The following NPLOC4 variants were observed in gnomAD, a reference collection of about 807,000 sequenced individuals.
The protein encoded by NPLOC4 is nuclear protein localization protein 4 homolog.
NPLOC4 carries 18 observed loss-of-function variants against 80.6 expected under a neutral mutation model. The observed-to-expected ratio is 0.22, with a 90% confidence interval of 0.15 to 0.33. The LOEUF (loss-of-function observed/expected upper bound fraction) is 0.33, where lower values mean the gene tolerates loss of function less well. Ranked by LOEUF, NPLOC4 falls within the 10% of genes least tolerant of loss-of-function variation. NPLOC4 has a pLI of 1.00. For synonymous variants in NPLOC4, 313 were observed against 301.5 expected (o/e 1.04, Z -0.39); for missense variants, 540 against 786.1 (o/e 0.69, Z 3.74).
chr17:81,636,371 G>A (rs1035633626), intron 1 of NPLOC4: 1 of 152,312 alleles, frequency 6.6e-6, no homozygotes, highest in Non-Finnish European at 1.5e-5. Flanking sequence ...GAGCAAAGCC[G>A]GCAAGTTACT....
rs754888368 is a variant in NPLOC4, at chr17:81,569,203, T to C, written c.1354-92A>G. Reference sequence around the variant, plus strand: ...CCCAGAGCATCTCCCAGAGCCCAAATTAACGACTCCTAGCAATTCTGAGAA... The same window carrying C: ...CCCAGAGCATCTCCCAGAGCCCAAACTAACGACTCCTAGCAATTCTGAGAA... On this transcript the variant is annotated intron_variant, in intron 13 of 16. Transcript: ENST00000331134. 318 of 760,046 alleles carry C rather than the reference T, an allele frequency of 4.2e-4. 5 individuals are homozygous for C. The highest frequency in any genetic ancestry group is 6.0e-5 in the Non-Finnish European group (26 of 432,408). The allele number at this position is 760,046 out of a possible 1,614,324, so 47.1% of individuals were successfully genotyped here.
At position 81,572,112 on chromosome 17, in the gene NPLOC4, C is replaced by T. The variant is rs528963092; in HGVS notation, c.1282-24G>A. On this transcript the variant is annotated intron_variant, in intron 12 of 16. Transcript: ENST00000331134. This position sits in a 1 kb window ranked among gnomAD's most constrained non-coding sequence, Gnocchi z 4.5. ...TCCTGCAATAGTCAGAGGGGAACAG[C>T]GGTGAGCAAAGACGATCAGTAGTAA... 26 of 1,562,172 alleles carry T rather than the reference C, an allele frequency of 1.7e-5. No homozygotes were observed. The highest frequency in any genetic ancestry group is 4.7e-5 in the South Asian group (4 of 85,350).
Position 81,572,389 on chromosome 17 carries a change from C to T in NPLOC4, c.1282-301G>A, listed in dbSNP as rs1295699468. ...GTATTTTTTAGTAGAGACAGGGTTT[C>T]ACTGTGTTTGCCAGGATGGTCTCGA... On this transcript the variant is annotated intron_variant, in intron 12 of 16. Transcript: ENST00000331134. The surrounding 1 kb of genome is among the most constrained non-coding windows in gnomAD (Gnocchi z 4.5). 6.6e-6 allele frequency among the ~76,000 whole-genome samples: 1 copy of T among 151,972 alleles called. No individual in the cohort carries two copies. Among genetic ancestry groups the T allele is most frequent in the Non-Finnish European group, 1.5e-5 (1 of 68,002 alleles).
In NPLOC4 at chr17:81,557,502, G is replaced by C. The variant is rs977393262; in HGVS notation, c.*1757C>G. Reference sequence around the variant, plus strand: ...CGAGTGGGAGAGGAACTGGCAACGCGGCTCTCTCTAGAAGTCCGTGCTGTC... The same window carrying C: ...CGAGTGGGAGAGGAACTGGCAACGCCGCTCTCTCTAGAAGTCCGTGCTGTC... On this transcript the variant is annotated 3_prime_UTR_variant, in exon 17 of 17. Coordinates refer to ENST00000331134, the MANE Select transcript of NPLOC4 (RefSeq NM_017921.4). The C allele has an allele frequency of 6.6e-6, 1 of 152,240 alleles. No homozygotes were observed. The highest frequency in any genetic ancestry group is 1.5e-5 in the Non-Finnish European group (1 of 68,060). 9.4% of individuals were successfully genotyped at this position (152,240 alleles called of 1,614,324 possible). A position where few individuals can be genotyped will look rare whatever the true frequency, so the allele number is the denominator to read the frequency against.
chr17:81,589,157 T>C (rs1168889631), intron 11 of NPLOC4, 53 bp from the exon 12 acceptor site: 1 of 1,489,414 alleles, frequency 6.7e-7, no homozygotes, highest in Non-Finnish European at 9.2e-7. Context: ...TCAAAACCAG[T>C]CCATATCTGT....
intron 3 of NPLOC4, among the ~76,000 whole-genome samples, chr17:81,617,769 C>T (rs1015268575): frequency 6.9e-4 from 105 of 151,912 alleles, no homozygotes; most frequent in African/African-American, 2.5e-3. Flanking sequence ...CCTGATTCTC[C>T]TGCCTCAGCC....
At chr17:81,601,020 A>C (rs948252407) in intron 8 of NPLOC4, among the ~76,000 whole-genome samples, 16 of 152,208 alleles carry the variant, frequency 1.1e-4, no homozygotes, top group African/African-American at 3.9e-4. Flanking sequence ...ACCTCCTTTC[A>C]TCTGGCACAG....
intron 1 of NPLOC4, among the ~76,000 whole-genome samples, chr17:81,632,109 G>A (rs922916951): frequency 3.9e-5 from 6 of 151,984 alleles, no homozygotes; most frequent in African/African-American, 1.4e-4. Context: ...CTGAGCAGCT[G>A]GGATTACAGG....
rs1413973195 is a variant in NPLOC4, at chr17:81,630,590, G to A, written c.16-785C>T. ...CTATTACTTACTTTCCCTAAAAAAC[G>A]TTTAAAAATGGCCAGACACAGTGGC... On this transcript the variant is annotated intron_variant, in intron 1 of 16. Coordinates refer to ENST00000331134, the MANE Select transcript of NPLOC4 (RefSeq NM_017921.4). Among the ~76,000 whole-genome samples the A allele has an allele frequency of 4.6e-5, 7 of 152,104 alleles. No homozygotes were observed. The South Asian group carries it at 6.2e-4, about 13-fold the overall frequency.
intron 1 of NPLOC4, among the ~76,000 whole-genome samples, chr17:81,633,004 C>A (rs1157505260): frequency 6.6e-6 from 1 of 151,824 alleles, no homozygotes; most frequent in Non-Finnish European, 1.5e-5. Context: ...GTGGAGGGCG[C>A]CTGTAGTCCC....
At chr17:81,607,344 C>A (rs1197886188) in intron 6 of NPLOC4, among the ~76,000 whole-genome samples, 1 of 151,286 alleles carries the variant, frequency 6.6e-6, no homozygotes, top group African/African-American at 2.4e-5. Flanking sequence ...AATCCTGGAC[C>A]CTACTCTGAA....
chr17:81,613,286 A>T (rs2035392418), intron 4 of NPLOC4, 32 bp downstream of exon 4: 3 of 1,594,968 alleles, frequency 1.9e-6, no homozygotes, highest in Non-Finnish European at 2.6e-6. Context: ...GATCACCACA[A>T]GTAGGACCCT....
At chr17:81,574,967 C>T (rs189159331) in intron 12 of NPLOC4, among the ~76,000 whole-genome samples, 6 of 152,272 alleles carry the variant, frequency 3.9e-5, no homozygotes, top group South Asian at 2.1e-4. Context: ...TGGCATCAAC[C>T]CTGCTTTAGA....
chr17:81,595,532 A>ATTTT (rs201591319), intron 11 of NPLOC4, among the ~76,000 whole-genome samples: 2 of 117,712 alleles, frequency 1.7e-5, no homozygotes, highest in Middle Eastern at 4.1e-3. Context: ...ATATATATAT[A>ATTTT]TATTTTTTTT....
intron 2 of NPLOC4, among the ~76,000 whole-genome samples, chr17:81,626,982 C>A (rs56770353): frequency 6.6e-6 from 1 of 151,458 alleles, no homozygotes; most frequent in African/African-American, 2.4e-5. Flanking sequence ...CCCAGCTACT[C>A]GGGAGGCTGA....
intron 12 of NPLOC4, among the ~76,000 whole-genome samples, chr17:81,581,375 A>AAAAAAAAAAAAAGGTC (rs1555680405): frequency 1.4e-5 from 1 of 72,810 alleles, no homozygotes; most frequent in African/African-American, 4.7e-5. Flanking sequence ...AAAAAAAAAA[A>AAAAAAAAAAAAAGGTC]AGTTAATAAA....
At chr17:81,621,190 T>C (rs915134522) in intron 3 of NPLOC4, among the ~76,000 whole-genome samples, 5 of 150,424 alleles carry the variant, frequency 3.3e-5, no homozygotes, top group Non-Finnish European at 5.9e-5. Flanking sequence ...AAAAGAAGGA[T>C]GAACCAGTGT....
chr17:81,636,671 G>A (rs2036085054), intron 1 of NPLOC4, among the ~76,000 whole-genome samples: 3 of 152,150 alleles, frequency 2.0e-5, no homozygotes, highest in Non-Finnish European at 4.4e-5. Context: ...AGAAAGGCTC[G>A]GCCTTTCCCT....
At chr17:81,583,842 C>T (rs76986510) in intron 12 of NPLOC4, among the ~76,000 whole-genome samples, 2,712 of 152,252 alleles carry the variant, frequency 0.018, 77 homozygotes, top group African/African-American at 0.062. Flanking sequence ...AATGTATGTC[C>T]ACATCCATGT....
Sources: allele counts gnomAD v4.1 joint callset (sites outside exome capture counted in the v4.1 genomes callset), GRCh38; gene constraint gnomAD v4.1.1; non-coding constraint Gnocchi (gnomAD v3.1); transcripts MANE v1.5; gene names NCBI Gene and HGNC (gene_info 2026-07-23, HGNC 2026-07-21).